AVEN: variants seen among roughly 807,000 people sequenced by gnomAD.
AVEN encodes apoptosis and caspase activation inhibitor.
AVEN carries 41 observed loss-of-function variants against 38.1 expected under a neutral mutation model. The observed-to-expected ratio is 1.08, with a 90% CI of 0.84 to 1.40. The LOEUF (loss-of-function observed/expected upper bound fraction) is 1.40. AVEN is among the 40% of genes most tolerant of loss of function. AVEN has a pLI of 0.00. For synonymous variants in AVEN, 206 were observed against 171.8 expected, an observed-to-expected ratio of 1.20 and a Z score of -1.56; for missense variants, 605 against 438.8, an observed-to-expected ratio of 1.38 and a Z score of -3.38.
At position 33,977,742 on chromosome 15, in the gene AVEN, AG is replaced by A. The variant is rs550916349; in HGVS notation, c.445+25289del. Among the ~76,000 whole-genome samples, 1,077 of 152,264 alleles carry A rather than the reference AG, an allele frequency of 7.1e-3. 20 individuals carry two copies. The highest frequency in any genetic ancestry group is 5.6e-3 in the Non-Finnish European group (379 of 68,014). On this transcript the variant is annotated intron_variant, in intron 2 of 5. Transcript: ENST00000306730. ...CAATAATATGGTCTCAGAGCAAGTA[AG>A]TCCTCCCTGGCAAAACAGCCAGGTT...
chr15:33,911,811 G>C (rs1269407880), intron 2 of AVEN, among the ~76,000 whole-genome samples: 1 of 152,174 alleles, frequency 6.6e-6, no homozygotes, highest in African/African-American at 2.4e-5. Flanking sequence ...AGCAATTACA[G>C]GCTAGCAACT....
At chr15:33,890,152 G>T (rs1891876514) in intron 2 of AVEN, among the ~76,000 whole-genome samples, 1 of 152,106 alleles carries the variant, frequency 6.6e-6, no homozygotes, top group African/African-American at 2.4e-5. Flanking sequence ...ACTTCCTCAA[G>T]GGATAATACA....
downstream of AVEN, chr15:33,854,256 A>G: frequency 1.4e-6 from 1 of 700,526 alleles, no homozygotes. Context: ...TGGGGAGCAC[A>G]TACAACTTGA....
downstream of AVEN, among the ~76,000 whole-genome samples, chr15:33,861,578 C>G (rs573554814): frequency 1.3e-5 from 2 of 151,996 alleles, no homozygotes; most frequent in African/African-American, 4.8e-5. Context: ...CAATTGAAAG[C>G]TGTCCATGCT....
At chr15:33,939,708 T>C (rs1894240047) in intron 2 of AVEN, among the ~76,000 whole-genome samples, 1 of 152,226 alleles carries the variant, frequency 6.6e-6, no homozygotes, top group African/African-American at 2.4e-5. Flanking sequence ...TAAAATTCTA[T>C]AAGCCTTCTG....
At chr15:34,017,356 G>C (rs1347269426) in intron 1 of AVEN, among the ~76,000 whole-genome samples, 1 of 151,888 alleles carries the variant, frequency 6.6e-6, no homozygotes, top group Non-Finnish European at 1.5e-5. Flanking sequence ...CCCAAAGAAT[G>C]ACATTTCAAA....
At chr15:33,905,525 C>G (rs1231191910) in intron 2 of AVEN, among the ~76,000 whole-genome samples, 1 of 152,138 alleles carries the variant, frequency 6.6e-6, no homozygotes, top group African/African-American at 2.4e-5. Flanking sequence ...TTATTTTCTT[C>G]CAAAGGAAGA....
chr15:33,999,243 C>T (rs994849), intron 2 of AVEN, among the ~76,000 whole-genome samples: 31,768 of 152,124 alleles, frequency 0.21, 5,118 homozygotes, highest in African/African-American at 0.45. Context: ...GTCCCCTCAC[C>T]GAAGGTGATT....
downstream of AVEN, chr15:33,854,853 G>A (rs368466725): frequency 1.1e-4 from 173 of 1,613,662 alleles, no homozygotes; most frequent in East Asian, 3.3e-4. Flanking sequence ...ATTGGACATC[G>A]CAATGGGCTT....
chr15:33,862,810 CGTG>C (rs1888874108), downstream of AVEN, among the ~76,000 whole-genome samples: 3 of 152,068 alleles, frequency 2.0e-5, no homozygotes, highest in Non-Finnish European at 4.4e-5. Context: ...AGGGTTTCAC[CGTG>C]TTGGCCAAGC....
At chr15:34,044,096 G>GAA (rs769916088), upstream of AVEN, among the ~76,000 whole-genome samples, 3 of 129,088 alleles carry the variant, frequency 2.3e-5, no homozygotes, top group African/African-American at 2.8e-5. Flanking sequence ...TAAAAAAAAT[G>GAA]AAAAAAAAAA....
At chr15:34,030,162 G>A (rs971477275) in intron 1 of AVEN, among the ~76,000 whole-genome samples, 1 of 152,118 alleles carries the variant, frequency 6.6e-6, no homozygotes, top group African/African-American at 2.4e-5. Context: ...GCTGAGGCAG[G>A]AGAATCTCTT....
intron 2 of AVEN, among the ~76,000 whole-genome samples, chr15:33,894,835 T>C (rs200632793): frequency 5.2e-5 from 2 of 38,598 alleles, no homozygotes; most frequent in African/African-American, 1.2e-4. Context: ...ATAACAATAA[T>C]AATAATAATA....
chr15:33,984,373 C>T (rs115188490), intron 2 of AVEN, among the ~76,000 whole-genome samples: 1 of 151,298 alleles, frequency 6.6e-6, no homozygotes, highest in Non-Finnish European at 1.5e-5. Flanking sequence ...AACTCAGTCA[C>T]TTTCCTCACC....
intron 2 of AVEN, among the ~76,000 whole-genome samples, chr15:33,913,894 A>G (rs1893015898): frequency 6.6e-6 from 1 of 152,240 alleles, no homozygotes; most frequent in African/African-American, 2.4e-5. Flanking sequence ...ACTCAGATCT[A>G]CAGAAATCCA....
intron 2 of AVEN, among the ~76,000 whole-genome samples, chr15:33,898,873 A>G (rs1892359107): frequency 6.6e-6 from 1 of 152,218 alleles, no homozygotes; most frequent in Non-Finnish European, 1.5e-5. Flanking sequence ...ACTTCATGGT[A>G]TTCAAAAATA....
chr15:33,983,549 G>A (rs758622273), intron 2 of AVEN, among the ~76,000 whole-genome samples: 1 of 152,072 alleles, frequency 6.6e-6, no homozygotes, highest in African/African-American at 2.4e-5. Flanking sequence ...CTTGGCTTCA[G>A]AGAGAACTAG....
intron 2 of AVEN, among the ~76,000 whole-genome samples, chr15:33,968,124 A>AAAAAAAAAAC (rs1895466526): frequency 6.9e-6 from 1 of 145,584 alleles, no homozygotes; most frequent in Non-Finnish European, 1.5e-5. Context: ...AAAAAAAAAA[A>AAAAAAAAAAC]AGCTTCTAGC....
intron 2 of AVEN, among the ~76,000 whole-genome samples, chr15:33,928,256 A>G (rs1893706082): frequency 6.6e-6 from 1 of 152,232 alleles, no homozygotes; most frequent in Non-Finnish European, 1.5e-5. Context: ...ACTGTTGTAA[A>G]TTGAAAGATT....
Sources: gnomAD v4.1 joint callset for allele counts (sites outside exome capture counted in the v4.1 genomes callset) on GRCh38, gnomAD v4.1.1 for gene constraint, MANE v1.5 for transcripts, NCBI Gene and HGNC (gene_info 2026-07-23, HGNC 2026-07-21) for gene names.